Variants in OTOG observed in about 807,000 individuals in gnomAD.
The protein encoded by OTOG is otogelin.
Under a neutral mutation model 313.8 loss-of-function variants are expected in OTOG, and 296 were observed. The ratio of observed to expected loss-of-function variants is 0.94; its 90% CI spans 0.86 to 1.04. The LOEUF is 1.04. OTOG is among the 50% of genes least tolerant of loss of function. OTOG has a pLI of 0.00. For missense variants in OTOG, 3,948 were observed against 3,840.1 expected (o/e 1.03, Z -0.74); for synonymous variants, 1,533 against 1,554.9 (o/e 0.99, Z 0.33).
At chr11:17,550,500 G>C (rs765896909) in intron 3 of OTOG, among the ~76,000 whole-genome samples, 4 of 152,194 alleles carry the variant, frequency 2.6e-5, no homozygotes, top group Non-Finnish European at 5.9e-5. Context: ...ATTAGCCCCT[G>C]AAGACTAATC....
intron 36 of OTOG, among the ~76,000 whole-genome samples, 168 bp from the exon 37 acceptor site, chr11:17,611,994 G>T (rs902741794): frequency 6.6e-6 from 1 of 152,030 alleles, no homozygotes; most frequent in Non-Finnish European, 1.5e-5. Context: ...TAAGTGCATC[G>T]CCAGGCCCCA....
At chr11:17,604,540 T>C (rs986124101) in intron 32 of OTOG, among the ~76,000 whole-genome samples, 5 of 152,228 alleles carry the variant, frequency 3.3e-5, no homozygotes, top group African/African-American at 4.8e-5. Context: ...TCATCCGCCG[T>C]CAGTGTGACT....
chr11:17,603,568 C>G (rs1853306311), intron 32 of OTOG, among the ~76,000 whole-genome samples: 1 of 152,098 alleles, frequency 6.6e-6, no homozygotes, highest in Admixed American at 6.5e-5. Context: ...CAGAGTCAGG[C>G]CTGGGTCTCA....
At position 17,575,530 on chromosome 11, in the gene OTOG, G is replaced by A. The variant is rs77190211; in HGVS notation, c.2486+618G>A. ...GCTCAAGGCCCAGCTTGTTCTCAGT[G>A]TAGCTGGAGGGCAGAGCAGCAGGAG... On this transcript the variant is annotated intron_variant, in intron 20 of 55. Transcript: ENST00000399397. 1.4e-3 allele frequency among the ~76,000 whole-genome samples: 209 copies of A among 152,350 alleles called. 3 individuals carry two copies. The highest frequency in any genetic ancestry group is 0.014 in the Middle Eastern group (4 of 294).
intron 34 of OTOG, 42 bp from the exon 35 acceptor site, chr11:17,609,088 C>T (rs1221186384): frequency 9.5e-6 from 14 of 1,466,280 alleles, no homozygotes; most frequent in Non-Finnish European, 1.3e-5. Context: ...ATGGCCCTGC[C>T]TGTATTTCAG....
At chr11:17,576,156 C>T (rs534604504) in intron 20 of OTOG, among the ~76,000 whole-genome samples, 1 of 152,354 alleles carries the variant, frequency 6.6e-6, no homozygotes, top group Non-Finnish European at 1.5e-5. Flanking sequence ...GGAATAGATG[C>T]TGGGCGTGAG....
At chr11:17,579,460 G>A (rs144615368) in intron 23 of OTOG, among the ~76,000 whole-genome samples, 3 of 152,290 alleles carry the variant, frequency 2.0e-5, no homozygotes, top group Admixed American at 6.5e-5. Flanking sequence ...GGAGGGAAGT[G>A]GTGCCCAAAG....
intron 39 of OTOG, among the ~76,000 whole-genome samples, chr11:17,621,693 G>C (rs1024364932): frequency 2.0e-5 from 3 of 152,084 alleles, no homozygotes; most frequent in Non-Finnish European, 4.4e-5. Flanking sequence ...GAAACCACCA[G>C]GCTCTACCTG....
At chr11:17,599,981 C>T (rs939867486) in intron 31 of OTOG, among the ~76,000 whole-genome samples, 4 of 152,234 alleles carry the variant, frequency 2.6e-5, no homozygotes, top group African/African-American at 9.6e-5. Context: ...GGAAAAACCC[C>T]ATTCTCACTT....
At chr11:17,562,551 G>A (rs1363217383) in intron 15 of OTOG, among the ~76,000 whole-genome samples, 1 of 150,918 alleles carries the variant, frequency 6.6e-6, no homozygotes, top group Non-Finnish European at 1.5e-5. Context: ...CCTGTATTAG[G>A]AAAATTACAC....
chr11:17,558,422 C>T, intron 9 of OTOG, 107 bp downstream of exon 9: 1 of 1,517,840 alleles, frequency 6.6e-7, no homozygotes, highest in Non-Finnish European at 8.9e-7. Context: ...CCCTTGACCC[C>T]ATCCCTCTCT....
chr11:17,565,806 G>A (rs1276637929), intron 15 of OTOG, among the ~76,000 whole-genome samples: 1 of 152,038 alleles, frequency 6.6e-6, no homozygotes, highest in Non-Finnish European at 1.5e-5. Flanking sequence ...CTTCATTATT[G>A]CGTGTGTATA....
chr11:17,586,349 G>A (rs1852793744), intron 23 of OTOG, 125 bp from the exon 24 acceptor site: 2 of 444,632 alleles, frequency 4.5e-6, no homozygotes, highest in East Asian at 3.7e-5. Flanking sequence ...TGAATACACA[G>A]TCAGTCTCTT....
At chr11:17,643,671 T>C (rs184186975) in intron 54 of OTOG, among the ~76,000 whole-genome samples, 165 bp downstream of exon 54, 8 of 152,366 alleles carry the variant, frequency 5.3e-5, no homozygotes, top group Non-Finnish European at 7.4e-5. Flanking sequence ...CTCACGGCAC[T>C]GACGCAAATA....
chr11:17,583,784 G>A (rs887794101), intron 23 of OTOG, among the ~76,000 whole-genome samples: 2 of 151,998 alleles, frequency 1.3e-5, no homozygotes, highest in Non-Finnish European at 2.9e-5. Flanking sequence ...CTTTCAAAAA[G>A]TTGTTCTAGG....
chr11:17,557,038 G>A (rs1405627498), intron 7 of OTOG, 80 bp from the exon 8 acceptor site: 2 of 1,368,460 alleles, frequency 1.5e-6, no homozygotes, highest in South Asian at 1.3e-5. Flanking sequence ...ATGGGGTAGG[G>A]ACTGGCTGTT....
chr11:17,559,518 A>T lies in OTOG; in HGVS notation c.1214-16A>T. On this transcript the variant is annotated splice_polypyrimidine_tract_variant and intron_variant, in intron 11 of 55. Coordinates refer to ENST00000399397, the MANE Select transcript of OTOG (RefSeq NM_001292063.2). ...GGGGCCAGTAGCTGAGAGACCATGG[A>T]TCCCTCCTTCCCAAGCTGTGCACTG... 1 of 1,550,422 alleles carries T rather than the reference A, an allele frequency of 6.4e-7. No homozygotes were observed. The highest frequency in any genetic ancestry group is 8.7e-7 in the Non-Finnish European group (1 of 1,146,934).
At chr11:17,632,326 C>G in intron 42 of OTOG, 100 bp downstream of exon 42, 1 of 1,249,178 alleles carries the variant, frequency 8.0e-7, no homozygotes, top group Non-Finnish European at 1.1e-6. Context: ...GTATGCTTTC[C>G]CAGCTTTAAT....
intron 31 of OTOG, among the ~76,000 whole-genome samples, chr11:17,600,249 A>C (rs1354305282): frequency 7.2e-6 from 1 of 139,342 alleles, no homozygotes; most frequent in Non-Finnish European, 1.6e-5. Flanking sequence ...GTTAATGTCC[A>C]GTTTAGAGCC....
Sources: allele counts gnomAD v4.1 joint callset (sites outside exome capture counted in the v4.1 genomes callset), GRCh38; gene constraint gnomAD v4.1.1; transcripts MANE v1.5; gene names NCBI Gene and HGNC (gene_info 2026-07-23, HGNC 2026-07-21).